PCDHGB3: variants seen among roughly 807,000 people sequenced by gnomAD.
PCDHGB3 encodes the protein protocadherin gamma-B3.
In PCDHGB3, 40 loss-of-function variants were observed where a neutral mutation model predicts 59.2. The ratio of observed to expected loss-of-function variants is 0.68; its 90% CI spans 0.52 to 0.88. PCDHGB3 has a LOEUF of 0.88. PCDHGB3 is among the 40% of genes least tolerant of loss of function. The pLI is 0.00. For missense variants in PCDHGB3, 1,309 were observed against 1,187.9 expected (o/e 1.10, Z -1.50); for synonymous variants, 581 against 503.6 (o/e 1.15, Z -2.06).
chr5:141,376,463 A>C (rs1772718380), intron 1 of PCDHGB3: 1 of 1,614,212 alleles, frequency 6.2e-7, no homozygotes, highest in South Asian at 1.1e-5. Context: ...TCTTCTGATA[A>C]CTCAGGATTT....
intron 1 of PCDHGB3, chr5:141,399,375 C>T (rs548275013): frequency 1.9e-6 from 3 of 1,614,016 alleles, no homozygotes; most frequent in South Asian, 2.2e-5. Flanking sequence ...AGTACAATGT[C>T]ACCATCACAG....
rs561392729 is a variant in PCDHGB3, at chr5:141,475,706, G to T, written c.2416-19101G>T. On this transcript the variant is annotated intron_variant, in intron 1 of 3. Transcript: ENST00000576222. ...GGATTGGAGACTTGCAGAACGGCTA[G>T]CCTCACAGCCCCAAGGCTGGCTTTC... Among the ~76,000 whole-genome samples the T allele has an allele frequency of 7.2e-5, 11 of 152,364 alleles. 1 individual carries two copies. In the South Asian group the frequency reaches 2.3e-3, roughly 32 times the overall value.
At chr5:141,382,541 T>G (rs1388934219) in intron 1 of PCDHGB3, among the ~76,000 whole-genome samples, 2 of 152,224 alleles carry the variant, frequency 1.3e-5, no homozygotes, top group African/African-American at 4.8e-5. Context: ...GATTTTTAAT[T>G]ATCAGGGATA....
At chr5:141,373,797 C>G (rs1369464661) in intron 1 of PCDHGB3, 1 of 311,662 alleles carries the variant, frequency 3.2e-6, no homozygotes, top group Non-Finnish European at 5.8e-6. Context: ...AAATAAAATC[C>G]TCTGTGTGAT....
chr5:141,420,321 C>G (rs763682825), intron 1 of PCDHGB3: 2 of 1,410,974 alleles, frequency 1.4e-6, no homozygotes, highest in Non-Finnish European at 1.9e-6. Flanking sequence ...TACAATATGC[C>G]AATATATTCC....
chr5:141,373,720 C>T (rs1769798008), intron 1 of PCDHGB3, among the ~76,000 whole-genome samples: 1 of 152,328 alleles, frequency 6.6e-6, no homozygotes, highest in East Asian at 1.9e-4. Flanking sequence ...ATCTCTTACA[C>T]TCTTCTAAAT....
chr5:141,432,964 G>A lies in PCDHGB3; in HGVS notation c.2415+60155G>A, dbSNP rs2097554835. On this transcript the variant is annotated intron_variant, in intron 1 of 3. Transcript: ENST00000576222. This position sits in a 1 kb window ranked among gnomAD's most constrained non-coding sequence, Gnocchi z 6.0. Reference sequence around the variant, plus strand: ...CTTCAGGAGGCGGCTTGACAGGAGCGCCGGCGTCGCACTTTGTGGGCGTGG... The same window carrying A: ...CTTCAGGAGGCGGCTTGACAGGAGCACCGGCGTCGCACTTTGTGGGCGTGG... The A allele has an allele frequency of 6.2e-7, 1 of 1,614,044 alleles. No homozygotes were observed. Among genetic ancestry groups the A allele is most frequent in the African/African-American group, 1.3e-5 (1 of 74,934 alleles).
Position 141,477,128 on chromosome 5 carries a change from G to C in PCDHGB3, c.2416-17679G>C. On this transcript the variant is annotated intron_variant, in intron 1 of 3. Transcript: ENST00000576222. The surrounding 1 kb of genome is among the most constrained non-coding windows in gnomAD (Gnocchi z 4.9). ...CAATCCCGAAGGAGCACATTGCAAA[G>C]TGTTGGTGGAGGTTGTGGATGTGAA... 1.9e-6 allele frequency: 3 copies of C among 1,614,250 alleles called. No homozygotes were observed. The highest frequency in any genetic ancestry group is 2.5e-6 in the Non-Finnish European group (3 of 1,180,046).
chr5:141,467,015 T>C (rs1423064392), intron 1 of PCDHGB3, among the ~76,000 whole-genome samples: 1 of 152,072 alleles, frequency 6.6e-6, no homozygotes. Flanking sequence ...GCAATTTTTT[T>C]CCCTTTGTTT....
intron 1 of PCDHGB3, chr5:141,478,906 C>T: frequency 1.1e-6 from 1 of 906,534 alleles, no homozygotes; most frequent in Non-Finnish European, 1.6e-6. Context: ...GAATAAGCTG[C>T]TGGATACCTC....
chr5:141,401,730 T>C (rs1448734124), intron 1 of PCDHGB3, among the ~76,000 whole-genome samples: 4 of 152,204 alleles, frequency 2.6e-5, no homozygotes, highest in African/African-American at 4.8e-5. Context: ...ACTACTAGTC[T>C]TGTGTACATA....
At chr5:141,409,832 G>A (rs777679132) in intron 1 of PCDHGB3, 20 of 1,610,814 alleles carry the variant, frequency 1.2e-5, no homozygotes, top group Non-Finnish European at 1.6e-5. Context: ...CACGCTCAGC[G>A]CCAACGTGAG....
Position 141,371,963 on chromosome 5 carries a change from G to A in PCDHGB3, c.1569G>A (p.Glu523=). The change falls in exon 1 of 4, where the codon GAG becomes GAA. Residue 523 remains glutamate (E), a synonymous_variant. Transcript: ENST00000576222. ...TCGCGCAGCGAGCCTTCGACCACGA[G>A]CAGCTGCGTGCCTTCGAGCTCACTC... is the stretch of plus-strand genomic sequence containing the variant. ...VVFAQRAFDH[E]QLRAFELTLQ... The A allele has an allele frequency of 6.2e-7, 1 of 1,613,264 alleles. No individual in the cohort carries two copies. The highest frequency in any genetic ancestry group is 8.5e-7 in the Non-Finnish European group (1 of 1,179,830).
intron 1 of PCDHGB3, chr5:141,384,713 C>T (rs1780398191): frequency 4.3e-6 from 7 of 1,614,104 alleles, no homozygotes; most frequent in Non-Finnish European, 5.9e-6. Context: ...GCCTGGCTGT[C>T]ATACCTCCTG....
chr5:141,390,523 G>T, intron 1 of PCDHGB3: 1 of 556,304 alleles, frequency 1.8e-6, no homozygotes, highest in South Asian at 2.2e-5. Context: ...AGCAATGAGG[G>T]TGTGGTTTTA....
chr5:141,512,917 T>C lies in PCDHGB3; in HGVS notation c.*1744T>C, dbSNP rs543880225. On this transcript the variant is annotated 3_prime_UTR_variant, in exon 4 of 4. Transcript: ENST00000576222. ...TGTGTCTCACGCAAGTTTTATACTCTAATATTTATATGGCTTTTTTTCTTC... is the reference window on the plus strand; with the variant it reads ...TGTGTCTCACGCAAGTTTTATACTCCAATATTTATATGGCTTTTTTTCTTC... The C allele has an allele frequency of 1.3e-5, 2 of 152,378 alleles. No individual in the cohort carries two copies. Among genetic ancestry groups the C allele is most frequent in the African/African-American group, 2.4e-5 (1 of 41,588 alleles). The allele number at this position is 152,378 out of a possible 1,614,324, so 9.4% of individuals were successfully genotyped here.
At chr5:141,472,980 C>CAAAAAAAAAAAAAAAAAAA (rs60579131) in intron 1 of PCDHGB3, among the ~76,000 whole-genome samples, 6 of 86,104 alleles carry the variant, frequency 7.0e-5, no homozygotes, top group African/African-American at 1.2e-4. Context: ...GAGTGAAACT[C>CAAAAAAAAAAAAAAAAAAA]AAAAAAAAAA....
chr5:141,394,184 C>G, intron 1 of PCDHGB3: 1 of 1,613,944 alleles, frequency 6.2e-7, no homozygotes, highest in Non-Finnish European at 8.5e-7. Context: ...ATGCCTCCTA[C>G]TCAGCGTATA....
intron 2 of PCDHGB3, among the ~76,000 whole-genome samples, chr5:141,496,279 G>C (rs902362885): frequency 1.3e-5 from 2 of 152,198 alleles, no homozygotes; most frequent in Non-Finnish European, 2.9e-5. Context: ...ACCTTCAGTT[G>C]GTCTGAGCAG....
Sources: gnomAD v4.1 joint callset for allele counts (sites outside exome capture counted in the v4.1 genomes callset) on GRCh38, gnomAD v4.1.1 for gene constraint, Gnocchi (gnomAD v3.1) non-coding constraint, MANE v1.5 for transcripts, NCBI Gene and HGNC (gene_info 2026-07-23, HGNC 2026-07-21) for gene names.